The following FGF12 variants were observed in gnomAD, a reference collection of about 807,000 sequenced individuals.
FGF12 encodes the protein fibroblast growth factor 12.
In FGF12, 14 loss-of-function variants were observed where a neutral mutation model predicts 23.6. The observed-to-expected ratio is 0.59, with a 90% CI of 0.39 to 0.93. FGF12 has a LOEUF of 0.93. Among genes scored for constraint, FGF12 ranks in the 40% least tolerant of loss-of-function variants. The pLI, the probability that FGF12 is intolerant of heterozygous loss-of-function variation, is 0.00. For missense variants in FGF12, 175 were observed against 217.8 expected, an observed-to-expected ratio of 0.80 and a Z score of 1.24; for synonymous variants, 62 against 77.3, an observed-to-expected ratio of 0.80 and a Z score of 1.04.
intron 4 of FGF12, among the ~76,000 whole-genome samples, chr3:192,235,176 A>AT (rs1251551658): frequency 1.3e-5 from 2 of 152,016 alleles, no homozygotes; most frequent in Non-Finnish European, 2.9e-5. Flanking sequence ...GGTTCAGGGT[A>AT]TTTTTTAGTT....
In FGF12 at chr3:192,461,993, G is replaced by GA. The variant is rs796434926; in HGVS notation, c.14-101456dup. Among the ~76,000 whole-genome samples, 1,051 of 135,360 alleles carry GA rather than the reference G, an allele frequency of 7.8e-3. 6 individuals are homozygous for GA. The highest frequency in any genetic ancestry group is 0.015 in the African/African-American group (564 of 37,300). 88.8% of individuals were successfully genotyped at this position (135,360 alleles called of 152,430 possible). ...CAACAAGAGCGAAACTCTGTCACAA[G>GA]AAAAAAAAAAACACACATTATTACT... On this transcript the variant is annotated intron_variant, in intron 2 of 5. Coordinates refer to ENST00000445105, the MANE Select transcript of FGF12 (RefSeq NM_004113.6).
intron 2 of FGF12, among the ~76,000 whole-genome samples, chr3:192,686,306 G>T (rs1717729787): frequency 6.6e-6 from 1 of 152,088 alleles, no homozygotes; most frequent in African/African-American, 2.4e-5. Flanking sequence ...AGGCACAGAG[G>T]CAAGTTTATA....
At chr3:192,670,789 G>C (rs1034939510) in intron 2 of FGF12, among the ~76,000 whole-genome samples, 1 of 152,138 alleles carries the variant, frequency 6.6e-6, no homozygotes, top group Non-Finnish European at 1.5e-5. Context: ...TGTTATCATA[G>C]ACATATATAC....
rs578186620 is a variant in FGF12 at position 192,179,653 on chromosome 3, C to T, written c.229-8997G>A. Among the ~76,000 whole-genome samples, 9 of 151,538 alleles carry T rather than the reference C, an allele frequency of 5.9e-5. No homozygotes were observed. In the East Asian group the frequency reaches 1.8e-3, roughly 30 times the overall value. On this transcript the variant is annotated intron_variant, in intron 4 of 5. Transcript: ENST00000445105. The stretch of plus-strand genomic sequence containing the variant: ...CTCCGCCTCCCGGGTTCAAGTGATT[C>T]TCATGCCTCAGCCTCCCAAGTTGCT...
At chr3:192,632,472 A>G (rs1054413890) in intron 2 of FGF12, among the ~76,000 whole-genome samples, 1 of 152,236 alleles carries the variant, frequency 6.6e-6, no homozygotes, top group African/African-American at 2.4e-5. Context: ...AATGCCAAGC[A>G]GGTAAAATGA....
intron 3 of FGF12, among the ~76,000 whole-genome samples, chr3:192,347,730 A>T (rs1040206061): frequency 2.6e-5 from 4 of 152,174 alleles, no homozygotes; most frequent in African/African-American, 9.7e-5. Context: ...TGTGGTTCAA[A>T]AATGGCTTCT....
chr3:192,503,849 C>G (rs1724210177), intron 2 of FGF12, among the ~76,000 whole-genome samples: 1 of 151,676 alleles, frequency 6.6e-6, no homozygotes, highest in Admixed American at 6.6e-5. Flanking sequence ...CTCATGATAC[C>G]CAAAGGAATA....
intron 2 of FGF12, among the ~76,000 whole-genome samples, chr3:192,585,283 G>A (rs1444148862): frequency 6.6e-6 from 1 of 152,114 alleles, no homozygotes; most frequent in Non-Finnish European, 1.5e-5. Flanking sequence ...AAAAACCTTG[G>A]AAGCAACAGG....
chr3:192,577,169 C>T (rs186892809), intron 2 of FGF12, among the ~76,000 whole-genome samples: 70 of 152,168 alleles, frequency 4.6e-4, no homozygotes, highest in East Asian at 1.3e-3. Flanking sequence ...CAAACCTGCA[C>T]ATTCTGCACA....
At chr3:192,568,684 A>G (rs1304066991) in intron 2 of FGF12, among the ~76,000 whole-genome samples, 1 of 152,182 alleles carries the variant, frequency 6.6e-6, no homozygotes, top group Non-Finnish European at 1.5e-5. Context: ...TTTATTAAAT[A>G]TCTGCCTATT....
chr3:192,474,739 G>A (rs948158601), intron 2 of FGF12, among the ~76,000 whole-genome samples: 24 of 151,998 alleles, frequency 1.6e-4, no homozygotes, highest in African/African-American at 5.1e-4. Flanking sequence ...CACAAAATTA[G>A]CCAGGTGTGG....
intron 2 of FGF12, among the ~76,000 whole-genome samples, chr3:192,581,239 T>C (rs1379648452): frequency 6.6e-6 from 1 of 151,948 alleles, no homozygotes; most frequent in Non-Finnish European, 1.5e-5. Flanking sequence ...TAGAGAATTA[T>C]AAGACTCAAA....
At chr3:192,502,845 A>C (rs1169308454) in intron 2 of FGF12, among the ~76,000 whole-genome samples, 1 of 152,242 alleles carries the variant, frequency 6.6e-6, no homozygotes, top group African/African-American at 2.4e-5. Flanking sequence ...AAGAGAGAAG[A>C]CGAAGAGGCT....
chr3:192,348,172 T>C (rs1718048805), intron 3 of FGF12, among the ~76,000 whole-genome samples: 2 of 152,138 alleles, frequency 1.3e-5, no homozygotes, highest in South Asian at 4.1e-4. Flanking sequence ...AATTCAACTG[T>C]AATACTGTGG....
At chr3:192,621,690 C>CAA (rs5855441) in intron 2 of FGF12, among the ~76,000 whole-genome samples, 28,108 of 94,094 alleles carry the variant, frequency 0.3, 4,470 homozygotes, top group Middle Eastern at 0.42. Flanking sequence ...GATACAAATA[C>CAA]AAAAAAAAAA....
chr3:192,547,993 CA>C (rs1269529101), intron 2 of FGF12, among the ~76,000 whole-genome samples: 1 of 152,028 alleles, frequency 6.6e-6, no homozygotes, highest in Non-Finnish European at 1.5e-5. Context: ...GAAATGAAGT[CA>C]AAAAATGAAA....
intron 2 of FGF12, among the ~76,000 whole-genome samples, chr3:192,438,186 CAT>C (rs1378125207): frequency 3.9e-5 from 6 of 152,198 alleles, no homozygotes; most frequent in African/African-American, 1.4e-4. Context: ...AAAAATCTCA[CAT>C]GTGCTATAAA....
Position 192,726,990 on chromosome 3 carries a change from T to C in FGF12, c.13+191A>G, listed in dbSNP as rs1719238880. On this transcript the variant is annotated intron_variant, in intron 2 of 5. Transcript: ENST00000445105. ...ACTGATGGAGTATTAAACACTGTCT[T>C]CCAAGCTGTGGGAGTTAAAAAGAAG... 6 of 683,202 alleles carry C rather than the reference T, an allele frequency of 8.8e-6. No homozygotes were observed. The East Asian group carries it at 1.6e-4, about 19-fold the overall frequency. The allele number at this position is 683,202 out of a possible 1,614,324, so 42.3% of individuals were successfully genotyped here.
chr3:192,665,557 G>A (rs1716836170), intron 2 of FGF12, among the ~76,000 whole-genome samples: 1 of 140,568 alleles, frequency 7.1e-6, no homozygotes. Flanking sequence ...GTTAAACAAT[G>A]AGAACACAGG....
Sources: gnomAD v4.1 joint callset for allele counts (sites outside exome capture counted in the v4.1 genomes callset) on GRCh38, gnomAD v4.1.1 for gene constraint, MANE v1.5 for transcripts, NCBI Gene and HGNC (gene_info 2026-07-23, HGNC 2026-07-21) for gene names.